ITGA9: variants seen among roughly 807,000 people sequenced by gnomAD.
ITGA9 encodes the protein integrin alpha-9.
A neutral mutation model predicts 127.8 loss-of-function variants in ITGA9; 56 were observed. The ratio of observed to expected loss-of-function variants is 0.44; its 90% CI spans 0.35 to 0.55. The LOEUF (loss-of-function observed/expected upper bound fraction) is 0.55. Ranked by LOEUF, ITGA9 falls within the 20% of genes least tolerant of loss-of-function variation. The pLI is 0.00. For missense variants in ITGA9, 1,196 were observed against 1,347.1 expected, an observed-to-expected ratio of 0.89 and a Z score of 1.76; for synonymous variants, 508 against 514.5, an observed-to-expected ratio of 0.99 and a Z score of 0.17.
rs140745968 is a variant in ITGA9, at chr3:37,792,771, G to T, written c.2889+7693G>T. On this transcript the variant is annotated intron_variant, in intron 26 of 27. Coordinates refer to ENST00000264741, the MANE Select transcript of ITGA9 (RefSeq NM_002207.3). Reference sequence around the variant, plus strand: ...TTAGGGGCAAAGGTGGAAATAAGGAGCTGGTTAGAAGGCTGCGATTTTCAC... The same window carrying T: ...TTAGGGGCAAAGGTGGAAATAAGGATCTGGTTAGAAGGCTGCGATTTTCAC... Among the ~76,000 whole-genome samples the T allele has an allele frequency of 5.9e-5, 9 of 152,298 alleles. No individual in the cohort carries two copies. In the East Asian group the frequency reaches 1.5e-3, roughly 26 times the overall value.
chr3:37,640,133 C>G (rs1298776164), intron 16 of ITGA9, among the ~76,000 whole-genome samples: 1 of 152,222 alleles, frequency 6.6e-6, no homozygotes, highest in African/African-American at 2.4e-5. Context: ...ATTTCTGGAG[C>G]CTGTGATTTG....
intron 15 of ITGA9, among the ~76,000 whole-genome samples, chr3:37,618,757 G>C (rs114877031): frequency 0.032 from 4,905 of 152,284 alleles, 119 homozygotes; most frequent in Middle Eastern, 0.051. Flanking sequence ...AGGACTCTCC[G>C]AGCTAGGCAC....
chr3:37,522,111 G>A (rs1699050149), intron 11 of ITGA9, among the ~76,000 whole-genome samples: 1 of 152,016 alleles, frequency 6.6e-6, no homozygotes, highest in East Asian at 1.9e-4. Context: ...GGAAAGAGAA[G>A]GATAAGGAAA....
Position 37,471,075 on chromosome 3 carries a change from T to A in ITGA9, c.254T>A (p.Phe85Tyr), listed in dbSNP as rs1698425802. ...TCAGTGAAGTCTCCTGGGGCTGTGT[T>A]TAAGTGCCGTGTTCACACCAACCCT... ...SPSVKSPGAV[F>Y]KCRVHTNPDR... Residue 85 changes from phenylalanine (F) to tyrosine (Y), a missense_variant, in exon 2 of 28, where the codon TTT becomes TAT. Phe to Tyr is a conservative substitution (Grantham distance 22, BLOSUM62 3). Transcript: ENST00000264741. The A allele has an allele frequency of 6.2e-7, 1 of 1,613,984 alleles. No individual in the cohort carries two copies. Among genetic ancestry groups the A allele is most frequent in the Non-Finnish European group, 8.5e-7 (1 of 1,180,010 alleles).
intron 17 of ITGA9, among the ~76,000 whole-genome samples, chr3:37,677,473 T>C (rs987997181): frequency 1.3e-5 from 2 of 152,222 alleles, no homozygotes; most frequent in African/African-American, 4.8e-5. Context: ...CTCAGTAGCA[T>C]TTGTAAAGAG....
chr3:37,492,464 A>G (rs1017877241), intron 4 of ITGA9, among the ~76,000 whole-genome samples: 1 of 152,192 alleles, frequency 6.6e-6, no homozygotes, highest in African/African-American at 2.4e-5. Flanking sequence ...GAAGTGGGGT[A>G]TTCTTAGCTC....
intron 15 of ITGA9, among the ~76,000 whole-genome samples, chr3:37,566,150 A>G (rs914521718): frequency 4.6e-5 from 7 of 152,352 alleles, no homozygotes; most frequent in Middle Eastern, 6.8e-3. Context: ...AAATAGTACA[A>G]TAGTCCCCCC....
At position 37,542,510 on chromosome 3, in the gene ITGA9, C is replaced by T; in HGVS notation, c.1614C>T (p.Thr538=). The T allele has an allele frequency of 6.2e-7, 1 of 1,614,080 alleles. No homozygotes were observed. Among genetic ancestry groups the T allele is most frequent in the South Asian group, 1.1e-5 (1 of 91,064 alleles). Residue 538 remains threonine, a synonymous_variant, in exon 15 of 28, where the codon ACC becomes ACT. Transcript: ENST00000264741. ...PRVYFVLLGE[T]MGQVTEKLQL... ...TCTACTTTGTGCTGCTGGGAGAGAC[C>T]ATGGGTCAGGTCACAGAGAAGCTGC...
rs147099093 is a variant in ITGA9 at position 37,689,085 on chromosome 3, G to A, written c.2067+5070G>A. Among the ~76,000 whole-genome samples, 1,429 of 152,138 alleles carry A rather than the reference G, an allele frequency of 9.4e-3. 13 individuals carry two copies. Among genetic ancestry groups the A allele is most frequent in the Non-Finnish European group, 0.015 (1,040 of 67,978 alleles). ...GGATGGGTGGGCGGGTAGGTGGATG[G>A]ATGATTATTCATTTTGTGCAAAGTT... On this transcript the variant is annotated intron_variant, in intron 18 of 27. Coordinates refer to ENST00000264741, the MANE Select transcript of ITGA9 (RefSeq NM_002207.3).
At chr3:37,722,606 C>T (rs1474494511) in intron 18 of ITGA9, among the ~76,000 whole-genome samples, 2 of 152,186 alleles carry the variant, frequency 1.3e-5, no homozygotes, top group African/African-American at 2.4e-5. Flanking sequence ...TGTCACTTAG[C>T]GTAATGTTTT....
chr3:37,660,839 G>T (rs944450785), intron 17 of ITGA9, among the ~76,000 whole-genome samples: 1 of 152,220 alleles, frequency 6.6e-6, no homozygotes, highest in Non-Finnish European at 1.5e-5. Flanking sequence ...AGGCTTGGGT[G>T]ACACCATTCA....
chr3:37,465,815 G>A (rs999631076), intron 1 of ITGA9, among the ~76,000 whole-genome samples: 5 of 152,100 alleles, frequency 3.3e-5, no homozygotes, highest in African/African-American at 1.2e-4. Flanking sequence ...GGCTCACTGG[G>A]GCTTGCTCAG....
intron 15 of ITGA9, among the ~76,000 whole-genome samples, chr3:37,569,318 A>T (rs570958479): frequency 6.6e-6 from 1 of 152,294 alleles, no homozygotes; most frequent in South Asian, 2.1e-4. Flanking sequence ...GTTACCTCCC[A>T]CTGGGTCCTT....
At chr3:37,667,031 A>C (rs1309999542) in intron 17 of ITGA9, among the ~76,000 whole-genome samples, 1 of 152,158 alleles carries the variant, frequency 6.6e-6, no homozygotes, top group African/African-American at 2.4e-5. Flanking sequence ...TAGATACAAA[A>C]ATGCAGACAC....
chr3:37,476,453 G>A (rs1213139292), intron 3 of ITGA9, among the ~76,000 whole-genome samples: 1 of 151,926 alleles, frequency 6.6e-6, no homozygotes, highest in Non-Finnish European at 1.5e-5. Context: ...GTAACATTGA[G>A]CATTGTTTCA....
chr3:37,548,513 G>C (rs1699349657), intron 15 of ITGA9, among the ~76,000 whole-genome samples: 1 of 152,080 alleles, frequency 6.6e-6, no homozygotes, highest in East Asian at 1.9e-4. Context: ...TTCCATATTG[G>C]TGCATATAGA....
At chr3:37,609,330 G>T (rs953896165) in intron 15 of ITGA9, among the ~76,000 whole-genome samples, 7 of 152,082 alleles carry the variant, frequency 4.6e-5, no homozygotes, top group Admixed American at 2.0e-4. Context: ...AACAGGTCTT[G>T]GCTTATCTAA....
At chr3:37,810,718 A>G (rs1229615047) in intron 27 of ITGA9, among the ~76,000 whole-genome samples, 1 of 152,056 alleles carries the variant, frequency 6.6e-6, no homozygotes, top group African/African-American at 2.4e-5. Context: ...GCCTGGCCTC[A>G]ACAACAGAGC....
At chr3:37,677,297 T>C (rs759281731) in intron 17 of ITGA9, among the ~76,000 whole-genome samples, 1 of 152,232 alleles carries the variant, frequency 6.6e-6, no homozygotes, top group African/African-American at 2.4e-5. Context: ...GGTTTTATGG[T>C]TTACTCATGT....
Sources: allele counts gnomAD v4.1 joint callset (sites outside exome capture counted in the v4.1 genomes callset), GRCh38; gene constraint gnomAD v4.1.1; transcripts MANE v1.5; gene names NCBI Gene and HGNC (gene_info 2026-07-23, HGNC 2026-07-21).